LCTL: variants seen among roughly 807,000 people sequenced by gnomAD.
LCTL encodes lactase-like protein.
LCTL carries 76 observed loss-of-function variants against 75.8 expected under a neutral mutation model. That is an observed-to-expected ratio of 1.00 (90% CI 0.83 to 1.21). The LOEUF is 1.21. LCTL is among the 50% of genes most tolerant of loss of function. The pLI, the probability that LCTL is intolerant of heterozygous loss-of-function variation, is 0.00. For synonymous variants in LCTL, 271 were observed against 268.8 expected (o/e 1.01, Z -0.08); for missense variants, 670 against 712.4 (o/e 0.94, Z 0.68).
chr15:66,553,351 C>T lies in LCTL; in HGVS notation c.923-93G>A, dbSNP rs867815160. 62 of 1,126,512 alleles carry T rather than the reference C, an allele frequency of 5.5e-5. 1 individual carries two copies. The highest frequency in any genetic ancestry group is 4.5e-4 in the Middle Eastern group (2 of 4,398). The allele number at this position is 1,126,512 out of a possible 1,614,324, so 69.8% of individuals were successfully genotyped here. A position where few individuals can be genotyped will look rare whatever the true frequency, so the allele number is the denominator to read the frequency against. Reference sequence around the variant, plus strand: ...GACGATAGTGACATCTTGACATAAACGGTGGGCTTTAGGATTCATTTGCAT... The same window carrying T: ...GACGATAGTGACATCTTGACATAAATGGTGGGCTTTAGGATTCATTTGCAT... On this transcript the variant is annotated intron_variant, in intron 8 of 12. Transcript: ENST00000341509.
At chr15:66,551,979 G>A in intron 10 of LCTL, 64 bp downstream of exon 11, 1 of 1,572,406 alleles carries the variant, frequency 6.4e-7, no homozygotes, top group Non-Finnish European at 8.6e-7. Flanking sequence ...AGTTGATTGT[G>A]TGTTAATCAC....
Position 66,551,881 on chromosome 15 carries a change from C to T in LCTL, c.1325-20G>A. On this transcript the variant is annotated intron_variant, in intron 10 of 12. Transcript: ENST00000341509. ...TTATAGCTGCAAAGACATTTTATTC[C>T]ATTTTAAATATATTTCATTTACTTA... is the stretch of plus-strand genomic sequence containing the variant. 1.3e-6 allele frequency: 2 copies of T among 1,568,990 alleles called. No homozygotes were observed. The highest frequency in any genetic ancestry group is 1.7e-6 in the Non-Finnish European group (2 of 1,151,336).
chr15:66,560,735 A>G (rs1550470), intron 6 of LCTL, among the ~76,000 whole-genome samples: 7,601 of 152,074 alleles, frequency 0.05, 305 homozygotes, highest in African/African-American at 0.094. Context: ...TCCTCCTGTC[A>G]CAGCTTGGAC....
exon 1 of LCTL, chr15:66,565,254 G>A (rs750704269): frequency 1.1e-5 from 18 of 1,606,356 alleles, no homozygotes; most frequent in Non-Finnish European, 1.4e-5. Flanking sequence ...GTACCAAGAG[G>A]GAAGGTTCCA....
intron 12 of LCTL, 162 bp downstream of exon 13, chr15:66,549,879 T>TATAA (rs1267929377): frequency 2.1e-6 from 1 of 481,120 alleles, no homozygotes; most frequent in Admixed American, 4.0e-5. Flanking sequence ...TTAAAATGCT[T>TATAA]ATAAATAGAA....
At chr15:66,564,251 G>T in intron 2 of LCTL, 1 of 550,930 alleles carries the variant, frequency 1.8e-6, no homozygotes, top group East Asian at 3.1e-5. Context: ...GTAAACCTGG[G>T]TGATGAGTTC....
exon 13 of LCTL, chr15:66,547,901 C>T (rs1016645928): frequency 3.3e-5 from 5 of 152,760 alleles, no homozygotes; most frequent in African/African-American, 1.2e-4. Flanking sequence ...ATTCTCCTGC[C>T]TCAGCCTCCC....
chr15:66,564,564 T>C, intron 2 of LCTL, 112 bp downstream of exon 3: 1 of 1,248,230 alleles, frequency 8.0e-7, no homozygotes, highest in Non-Finnish European at 1.1e-6. Flanking sequence ...AGCATGGGGA[T>C]GACATTGTCA....
At position 66,557,707 on chromosome 15, in the gene LCTL, T is replaced by A; in HGVS notation, c.922+15A>T. 1.9e-6 allele frequency: 3 copies of A among 1,608,388 alleles called. No individual in the cohort carries two copies. The highest frequency in any genetic ancestry group is 2.6e-6 in the Non-Finnish European group (3 of 1,176,008). On this transcript the variant is annotated intron_variant, in intron 8 of 12. Transcript: ENST00000341509. ...TTGCCCTAGTATCTGCAGTTTAAAATGAGACTGGGCTCACCAATGTAGTCC... is the reference window on the plus strand; with the variant it reads ...TTGCCCTAGTATCTGCAGTTTAAAAAGAGACTGGGCTCACCAATGTAGTCC...
chr15:66,554,137 A>G (rs1895684979), intron 8 of LCTL, among the ~76,000 whole-genome samples: 1 of 151,506 alleles, frequency 6.6e-6, no homozygotes, highest in South Asian at 2.1e-4. Context: ...CTAAAAATAC[A>G]AAAATTAGCC....
intron 2 of LCTL, 47 bp downstream of exon 3, chr15:66,564,629 G>A (rs1895975218): frequency 6.3e-7 from 1 of 1,582,618 alleles, no homozygotes; most frequent in Non-Finnish European, 8.6e-7. Flanking sequence ...GTACTCACAT[G>A]TGTGTGCACG....
At chr15:66,551,370 A>T (rs1895593151) in intron 11 of LCTL, among the ~76,000 whole-genome samples, 1 of 148,196 alleles carries the variant, frequency 6.7e-6, no homozygotes, top group African/African-American at 2.5e-5. Flanking sequence ...AAAAAAAAAA[A>T]GACACGAGAT....
At chr15:66,548,409 A>G in exon 13 of LCTL, 1 of 622,172 alleles carries the variant, frequency 1.6e-6, no homozygotes, top group Admixed American at 2.5e-5. Flanking sequence ...GAAAACAGCA[A>G]TGTATGGAAA....
chr15:66,554,526 G>C (rs1389081019), intron 8 of LCTL, among the ~76,000 whole-genome samples: 2 of 152,184 alleles, frequency 1.3e-5, no homozygotes, highest in Non-Finnish European at 2.9e-5. Flanking sequence ...GGCCAGTGAT[G>C]GTATGTCCTA....
At chr15:66,557,912 G>A (rs1375842067) in intron 7 of LCTL, 29 bp from the exon 9 acceptor site, 2 of 1,612,070 alleles carry the variant, frequency 1.2e-6, no homozygotes, top group Non-Finnish European at 1.7e-6. Flanking sequence ...AAAGGGAGTG[G>A]GGAGTGGGCA....
At chr15:66,557,446 G>C (rs1895765667) in intron 8 of LCTL, among the ~76,000 whole-genome samples, 1 of 152,022 alleles carries the variant, frequency 6.6e-6, no homozygotes, top group Non-Finnish European at 1.5e-5. Context: ...TGGAGGAAGG[G>C]CAGGGAAGCA....
In LCTL at chr15:66,553,254, TCTTC is replaced by T; in HGVS notation, c.923_926del (p.Gly308GlufsTer33). ...TCTCCAGGCCTTGCTCTGCACTCTT[TCTTC>T]CTTTTGAGAGAGAAAAGTAGAATTT... On this transcript the variant is annotated frameshift_variant and splice_region_variant, in exon 9 of 13. Coordinates refer to ENST00000341509, the Ensembl canonical transcript of LCTL. LOFTEE classifies it high-confidence loss of function. The T allele has an allele frequency of 1.3e-6, 2 of 1,551,010 alleles. No individual in the cohort carries two copies.
chr15:66,562,370 T>G (rs1895911197), intron 4 of LCTL, among the ~76,000 whole-genome samples: 1 of 143,576 alleles, frequency 7.0e-6, no homozygotes, highest in East Asian at 2.1e-4. Context: ...GCCACTGCAC[T>G]CCAGCCTGGA....
At chr15:66,553,517 A>G (rs1895664285) in intron 8 of LCTL, among the ~76,000 whole-genome samples, 1 of 152,172 alleles carries the variant, frequency 6.6e-6, no homozygotes, top group Admixed American at 6.5e-5. Flanking sequence ...GCACTTTGGG[A>G]GGCTGAGGCG....
Sources: gnomAD v4.1 joint callset for allele counts (sites outside exome capture counted in the v4.1 genomes callset) on GRCh38, gnomAD v4.1.1 for gene constraint, MANE v1.5 for transcripts, NCBI Gene and HGNC (gene_info 2026-07-23, HGNC 2026-07-21) for gene names.